The following SH3PXD2A variants were observed in gnomAD, a reference collection of about 807,000 sequenced individuals.
SH3PXD2A encodes SH3 and PX domain-containing protein 2A.
In SH3PXD2A, 32 loss-of-function variants were observed where a neutral mutation model predicts 115.2. That is an observed-to-expected ratio of 0.28 (90% CI 0.21 to 0.37). The LOEUF is 0.37. SH3PXD2A is among the 10% of genes least tolerant of loss of function. SH3PXD2A has a pLI of 1.00. For missense variants in SH3PXD2A, 1,328 were observed against 1,498.7 expected (o/e 0.89, Z 1.88); for synonymous variants, 610 against 629.1 (o/e 0.97, Z 0.45).
intron 3 of SH3PXD2A, among the ~76,000 whole-genome samples, chr10:103,757,853 T>C (rs1176632024): frequency 2.6e-5 from 4 of 152,198 alleles, no homozygotes; most frequent in Non-Finnish European, 5.9e-5. Context: ...GGGAAAGAAC[T>C]GCAGGAAGTG....
At position 103,597,518 on chromosome 10, in the gene SH3PXD2A, G is replaced by C. The variant is rs970004393; in HGVS notation, c.*4298C>G. On this transcript the variant is annotated 3_prime_UTR_variant, in exon 15 of 15. Transcript: ENST00000369774. ...CTGCTCCAGGGACTGGGGCCTAGAG[G>C]TCAAGGGCCCCATGCCTGAATCCCT... 9 of 152,276 alleles carry C rather than the reference G, an allele frequency of 5.9e-5. No individual in the cohort carries two copies. Among genetic ancestry groups the C allele is most frequent in the African/African-American group, 2.2e-4 (9 of 41,460 alleles). The allele number at this position is 152,276 out of a possible 1,614,324, so 9.4% of individuals were successfully genotyped here. A position where few individuals can be genotyped will look rare whatever the true frequency, so the allele number is the denominator to read the frequency against.
At chr10:103,837,973 A>G (rs2039562011) in intron 1 of SH3PXD2A, among the ~76,000 whole-genome samples, 1 of 152,142 alleles carries the variant, frequency 6.6e-6, no homozygotes, top group Admixed American at 6.5e-5. Flanking sequence ...CGTGAAGGAA[A>G]GTGACTACCG....
At chr10:103,605,549 T>TG (rs1377221995) in intron 14 of SH3PXD2A, among the ~76,000 whole-genome samples, 1 of 152,212 alleles carries the variant, frequency 6.6e-6, no homozygotes, top group Non-Finnish European at 1.5e-5. Context: ...CACAAGCTCC[T>TG]GCACATGCTC....
rs1842932008 is a variant in SH3PXD2A at position 103,855,430 on chromosome 10, C to G, written c.-164G>C. On this transcript the variant is annotated 5_prime_UTR_variant, in exon 1 of 15. Coordinates refer to ENST00000369774, the MANE Select transcript of SH3PXD2A (RefSeq NM_001394015.1). Reference sequence around the variant, plus strand: ...GGCGCCCACAGGTCCGGCCCAGGGACGGGGGAGGGTCCCGGAGGGCGCGCG... The same window carrying G: ...GGCGCCCACAGGTCCGGCCCAGGGAGGGGGGAGGGTCCCGGAGGGCGCGCG... 2 of 363,296 alleles carry G rather than the reference C, an allele frequency of 5.5e-6. No individual in the cohort carries two copies. Among genetic ancestry groups the G allele is most frequent in the South Asian group, 5.7e-5 (1 of 17,442 alleles). The allele number at this position is 363,296 out of a possible 1,614,324, so 22.5% of individuals were successfully genotyped here. A position where few individuals can be genotyped will look rare whatever the true frequency, so the allele number is the denominator to read the frequency against.
At position 103,602,629 on chromosome 10, in the gene SH3PXD2A, C is replaced by A; in HGVS notation, c.2589G>T (p.Ala863=). 1.9e-6 allele frequency: 3 copies of A among 1,614,164 alleles called. No homozygotes were observed. Among genetic ancestry groups the A allele is most frequent in the Middle Eastern group, 1.6e-4 (1 of 6,062 alleles). ...KVQDSEISFP[A]GVEVQVLEKQ... ...TCTCCAGCACCTGCACCTCCACGCC[C>A]GCGGGGAAGCTGATCTCCGAGTCCT... Residue 863 remains alanine, a synonymous_variant, in exon 15 of 15, where the codon GCG becomes GCT. Transcript: ENST00000369774.
intron 3 of SH3PXD2A, chr10:103,754,671 G>A (rs76764305): frequency 0.014 from 2,108 of 152,244 alleles, 27 homozygotes; most frequent in Non-Finnish European, 0.022. Context: ...CCTCCTGGTT[G>A]GGCTAGTGAT....
At chr10:103,646,030 A>G (rs151087312) in intron 8 of SH3PXD2A, among the ~76,000 whole-genome samples, 2 of 152,352 alleles carry the variant, frequency 1.3e-5, no homozygotes, top group African/African-American at 2.4e-5. Flanking sequence ...GGTGATAATT[A>G]TAAGAAAAAA....
At chr10:103,810,329 G>A (rs917865318) in intron 1 of SH3PXD2A, among the ~76,000 whole-genome samples, 4 of 152,164 alleles carry the variant, frequency 2.6e-5, no homozygotes, top group African/African-American at 9.7e-5. Flanking sequence ...GAGAAGATGA[G>A]GCAAAGCATC....
chr10:103,606,096 T>C (rs2036296289), intron 13 of SH3PXD2A, among the ~76,000 whole-genome samples, 179 bp from the exon 14 acceptor site: 1 of 152,116 alleles, frequency 6.6e-6, no homozygotes, highest in African/African-American at 2.4e-5. Context: ...GCCAGGGGAC[T>C]ACTCTGATGA....
In SH3PXD2A at chr10:103,693,133, C is replaced by A. The variant is rs374481633; in HGVS notation, c.399-77G>T. The A allele has an allele frequency of 5.1e-5, 66 of 1,302,580 alleles. No individual in the cohort carries two copies. In the African/African-American group the frequency reaches 9.5e-4, roughly 19 times the overall value. The allele number at this position is 1,302,580 out of a possible 1,614,324, so 80.7% of individuals were successfully genotyped here. A position where few individuals can be genotyped will look rare whatever the true frequency, so the allele number is the denominator to read the frequency against. ...GGGGCTGCAGCTGCAGGGGCGCCCTCGGGCTGGCTGCGGTCGGTCCCCGGT... is the reference window on the plus strand; with the variant it reads ...GGGGCTGCAGCTGCAGGGGCGCCCTAGGGCTGGCTGCGGTCGGTCCCCGGT... On this transcript the variant is annotated intron_variant, in intron 5 of 14. Coordinates refer to ENST00000369774, the MANE Select transcript of SH3PXD2A (RefSeq NM_001394015.1).
chr10:103,838,127 C>T (rs1340230301), intron 1 of SH3PXD2A, among the ~76,000 whole-genome samples: 1 of 152,198 alleles, frequency 6.6e-6, no homozygotes, highest in Non-Finnish European at 1.5e-5. Flanking sequence ...TCTTTACACT[C>T]GCCCTTCCTC....
intron 4 of SH3PXD2A, among the ~76,000 whole-genome samples, chr10:103,726,805 G>A (rs1466109417): frequency 2.0e-5 from 3 of 152,094 alleles, no homozygotes; most frequent in Non-Finnish European, 4.4e-5. Flanking sequence ...CTATCAAGAT[G>A]GGCCCTTCTC....
chr10:103,679,316 T>C (rs910544010), intron 6 of SH3PXD2A, among the ~76,000 whole-genome samples: 2 of 152,212 alleles, frequency 1.3e-5, no homozygotes, highest in Non-Finnish European at 2.9e-5. Flanking sequence ...AGATGTGCAG[T>C]AGACAAACCT....
chr10:103,676,367 T>C (rs2037533720), intron 6 of SH3PXD2A, among the ~76,000 whole-genome samples: 1 of 151,798 alleles, frequency 6.6e-6, no homozygotes, highest in African/African-American at 2.4e-5. Flanking sequence ...AGGCGGGGGA[T>C]GGGGTGCAGT....
intron 3 of SH3PXD2A, among the ~76,000 whole-genome samples, chr10:103,760,150 A>G (rs2038684658): frequency 1.3e-5 from 2 of 152,324 alleles, no homozygotes; most frequent in Admixed American, 1.3e-4. Flanking sequence ...CTTACCATCC[A>G]TTATAAAAAG....
chr10:103,811,020 C>A (rs1300838336), intron 1 of SH3PXD2A, among the ~76,000 whole-genome samples: 1 of 151,648 alleles, frequency 6.6e-6, no homozygotes, highest in Non-Finnish European at 1.5e-5. Flanking sequence ...CAAGGCCAGC[C>A]TGGGAGAGCA....
At chr10:103,715,654 C>G (rs2038096893) in intron 5 of SH3PXD2A, among the ~76,000 whole-genome samples, 1 of 152,260 alleles carries the variant, frequency 6.6e-6, no homozygotes, top group Admixed American at 6.5e-5. Flanking sequence ...ACGCAGTCAA[C>G]CCACAGCAAT....
At chr10:103,621,081 A>T (rs1173708990) in intron 10 of SH3PXD2A, among the ~76,000 whole-genome samples, 3 of 152,086 alleles carry the variant, frequency 2.0e-5, no homozygotes, top group African/African-American at 7.2e-5. Context: ...GACTGTGGAT[A>T]TGTGGGTGTC....
At chr10:103,708,826 T>C (rs1199634479) in intron 5 of SH3PXD2A, among the ~76,000 whole-genome samples, 2 of 152,120 alleles carry the variant, frequency 1.3e-5, no homozygotes, top group Admixed American at 1.3e-4. Context: ...TGCCAGGACC[T>C]AGCACCGTGC....
Sources: gnomAD v4.1 joint callset for allele counts (sites outside exome capture counted in the v4.1 genomes callset) on GRCh38, gnomAD v4.1.1 for gene constraint, MANE v1.5 for transcripts, NCBI Gene and HGNC (gene_info 2026-07-23, HGNC 2026-07-21) for gene names.